The following DGKB variants were observed in gnomAD, a reference collection of about 807,000 sequenced individuals.
DGKB encodes the protein diacylglycerol kinase beta.
A neutral mutation model predicts 114.3 loss-of-function variants in DGKB; 67 were observed. That is an observed-to-expected ratio of 0.59 (90% CI 0.48 to 0.72). The LOEUF (loss-of-function observed/expected upper bound fraction) is 0.72. Among genes scored for constraint, DGKB ranks in the 30% least tolerant of loss-of-function variants. The probability of loss-of-function intolerance (pLI) is 0.00; values close to 1 mark genes in which losing one functional copy is unlikely to be tolerated. For missense variants in DGKB, 907 were observed against 975.2 expected, an observed-to-expected ratio of 0.93 and a Z score of 0.93; for synonymous variants, 398 against 323.1, an observed-to-expected ratio of 1.23 and a Z score of -2.49.
chr7:14,632,360 G>A (rs1809886669), intron 13 of DGKB, among the ~76,000 whole-genome samples: 1 of 151,700 alleles, frequency 6.6e-6, no homozygotes, highest in South Asian at 2.1e-4. Flanking sequence ...GTTAGGCTAT[G>A]TGCAGCTTAC....
intron 23 of DGKB, among the ~76,000 whole-genome samples, chr7:14,261,940 C>A (rs1796836795): frequency 6.6e-6 from 1 of 152,230 alleles, no homozygotes; most frequent in African/African-American, 2.4e-5. Flanking sequence ...CAATTAAATA[C>A]CTTAACAGCA....
Position 14,670,382 on chromosome 7 carries a change from A to G in DGKB, c.1134+2547T>C, listed in dbSNP as rs914848436. Among the ~76,000 whole-genome samples the G allele has an allele frequency of 2.0e-5, 3 of 151,646 alleles. 1 individual carries two copies. Among genetic ancestry groups the G allele is most frequent in the Non-Finnish European group, 2.9e-5 (2 of 67,968 alleles). On this transcript the variant is annotated intron_variant, in intron 13 of 25. Coordinates refer to ENST00000402815, the MANE Select transcript of DGKB (RefSeq NM_001350709.2). ...CAGTGATGCAATCTTGGCTCACTGCAACCTCCGCCTCCAGGGTTCAAGCGA... is the reference window on the plus strand; with the variant it reads ...CAGTGATGCAATCTTGGCTCACTGCGACCTCCGCCTCCAGGGTTCAAGCGA...
chr7:14,821,505 G>C (rs1844925952), intron 2 of DGKB, among the ~76,000 whole-genome samples: 1 of 152,094 alleles, frequency 6.6e-6, no homozygotes, highest in Non-Finnish European at 1.5e-5. Flanking sequence ...GCCGAAAACT[G>C]AAAGGTGAAA....
At chr7:14,525,710 T>C (rs1790531837) in intron 20 of DGKB, among the ~76,000 whole-genome samples, 1 of 150,952 alleles carries the variant, frequency 6.6e-6, no homozygotes, top group Non-Finnish European at 1.5e-5. Flanking sequence ...ACATTGACAA[T>C]AAAAAAAAAG....
chr7:14,678,806 GC>G (rs1371791406), intron 12 of DGKB, among the ~76,000 whole-genome samples: 1 of 151,978 alleles, frequency 6.6e-6, no homozygotes, highest in Non-Finnish European at 1.5e-5. Context: ...CTAAGAGCTT[GC>G]ACTAGGGCTG....
intron 21 of DGKB, among the ~76,000 whole-genome samples, chr7:14,413,179 T>C (rs1490170464): frequency 1.3e-5 from 2 of 151,492 alleles, no homozygotes; most frequent in Non-Finnish European, 2.9e-5. Context: ...AATAATAATA[T>C]CAACCACACA....
intron 1 of DGKB, among the ~76,000 whole-genome samples, chr7:14,849,584 C>T (rs1336266859): frequency 6.6e-6 from 1 of 152,130 alleles, no homozygotes; most frequent in Non-Finnish European, 1.5e-5. Context: ...TTATAAATTA[C>T]CCAGTATCAG....
intron 20 of DGKB, among the ~76,000 whole-genome samples, chr7:14,551,813 C>T (rs1006521437): frequency 3.3e-5 from 5 of 152,062 alleles, no homozygotes; most frequent in Admixed American, 2.0e-4. Flanking sequence ...TTGCTTAAAT[C>T]TTTCATTATT....
At chr7:14,719,681 T>A (rs907736244) in intron 5 of DGKB, among the ~76,000 whole-genome samples, 1 of 152,064 alleles carries the variant, frequency 6.6e-6, no homozygotes, top group Non-Finnish European at 1.5e-5. Flanking sequence ...TACTTTAGTT[T>A]TTCAATTTGT....
chr7:14,582,203 A>G (rs1389012922), intron 18 of DGKB, among the ~76,000 whole-genome samples: 2 of 152,204 alleles, frequency 1.3e-5, no homozygotes, highest in Non-Finnish European at 2.9e-5. Context: ...AATGAGACCA[A>G]AAAGAGTCAA....
chr7:14,911,779 C>T (rs1784020256), intron 1 of DGKB, among the ~76,000 whole-genome samples: 1 of 152,124 alleles, frequency 6.6e-6, no homozygotes, highest in Admixed American at 6.6e-5. Flanking sequence ...TTTCATTTGA[C>T]TTCAGATGGG....
intron 6 of DGKB, among the ~76,000 whole-genome samples, chr7:14,711,431 A>G (rs140230974): frequency 0.016 from 2,383 of 152,260 alleles, 36 homozygotes; most frequent in South Asian, 0.023. Flanking sequence ...TTTCTAATTT[A>G]AAATTGTAGC....
At chr7:14,182,522 C>T (rs563501304) in intron 23 of DGKB, among the ~76,000 whole-genome samples, 2 of 152,078 alleles carry the variant, frequency 1.3e-5, no homozygotes, top group Non-Finnish European at 2.9e-5. Flanking sequence ...ACCAGACAGG[C>T]AAAAAGACTA....
intron 2 of DGKB, among the ~76,000 whole-genome samples, chr7:14,763,681 C>G (rs796659496): frequency 6.6e-5 from 10 of 152,156 alleles, no homozygotes; most frequent in African/African-American, 2.4e-4. Flanking sequence ...AACTCCTATA[C>G]AGTAAATATA....
intron 1 of DGKB, among the ~76,000 whole-genome samples, chr7:14,854,917 A>C (rs1046492155): frequency 6.6e-6 from 1 of 152,184 alleles, no homozygotes; most frequent in South Asian, 2.1e-4. Flanking sequence ...CCAAAGAATG[A>C]TTTAAAAAAA....
intron 13 of DGKB, among the ~76,000 whole-genome samples, chr7:14,630,589 G>A (rs569392492): frequency 4.3e-4 from 66 of 151,920 alleles, no homozygotes; most frequent in African/African-American, 1.5e-3. Context: ...TTTCCACTAA[G>A]TTTTTTTAAT....
chr7:14,839,390 T>C (rs927529636), intron 2 of DGKB, among the ~76,000 whole-genome samples: 15 of 151,824 alleles, frequency 9.9e-5, no homozygotes, highest in African/African-American at 3.6e-4. Flanking sequence ...AACTAAATTT[T>C]CTTTACTCTT....
chr7:14,918,783 G>A (rs999414874), intron 1 of DGKB, among the ~76,000 whole-genome samples: 6 of 151,864 alleles, frequency 4.0e-5, no homozygotes, highest in Admixed American at 3.3e-4. Context: ...GTTTATATGG[G>A]GCTGGGCATG....
intron 13 of DGKB, among the ~76,000 whole-genome samples, chr7:14,664,407 C>A (rs945591101): frequency 6.6e-6 from 1 of 151,976 alleles, no homozygotes; most frequent in Non-Finnish European, 1.5e-5. Flanking sequence ...CACCACACTG[C>A]TAGCAAAGCT....
Sources: gnomAD v4.1 joint callset for allele counts (sites outside exome capture counted in the v4.1 genomes callset) on GRCh38, gnomAD v4.1.1 for gene constraint, MANE v1.5 for transcripts, NCBI Gene and HGNC (gene_info 2026-07-23, HGNC 2026-07-21) for gene names.